Variants in SH3BP4 observed in about 807,000 individuals in gnomAD.
SH3BP4 encodes SH3 domain-binding protein 4.
Under a neutral mutation model 65.5 loss-of-function variants are expected in SH3BP4, and 33 were observed. The observed-to-expected ratio is 0.50, with a 90% CI of 0.38 to 0.67. The LOEUF (loss-of-function observed/expected upper bound fraction) is 0.67, where lower values mean the gene tolerates loss of function less well. Among genes scored for constraint, SH3BP4 ranks in the 30% least tolerant of loss-of-function variants. The pLI is 0.00. For missense variants in SH3BP4, 1,134 were observed against 1,261.4 expected (o/e 0.90, Z 1.53); for synonymous variants, 552 against 545.5 (o/e 1.01, Z -0.17).
rs184199204 is a variant in SH3BP4 at position 235,045,881 on chromosome 2, A to G, written c.2478+2634A>G. Among the ~76,000 whole-genome samples the G allele has an allele frequency of 1.5e-4, 23 of 152,250 alleles. No individual in the cohort carries two copies. The highest frequency in any genetic ancestry group is 5.5e-4 in the African/African-American group (23 of 41,546). On this transcript the variant is annotated intron_variant, in intron 4 of 5. Coordinates refer to ENST00000392011, the MANE Select transcript of SH3BP4 (RefSeq NM_014521.3). This position sits in a 1 kb window ranked among gnomAD's most constrained non-coding sequence, Gnocchi z 4.3. The stretch of plus-strand genomic sequence containing the variant: ...TGCCTTGGGTTGGAAACAGTGTTTA[A>G]ATGATGGGGAAAATGTGAGAGTTTG...
chr2:235,006,493 T>C (rs576247146), intron 2 of SH3BP4, among the ~76,000 whole-genome samples: 196 of 152,200 alleles, frequency 1.3e-3, no homozygotes, highest in Non-Finnish European at 2.4e-3. Context: ...AAGGTCCCGA[T>C]GGTGCTGGGC....
Position 235,034,857 on chromosome 2 carries a change from T to C in SH3BP4, c.-132-14T>C. On this transcript the variant is annotated splice_polypyrimidine_tract_variant and intron_variant, in intron 2 of 5. Coordinates refer to ENST00000392011, the MANE Select transcript of SH3BP4 (RefSeq NM_014521.3). The surrounding 1 kb of genome is among the most constrained non-coding windows in gnomAD (Gnocchi z 6.2). ...CTTGCTTAAGGGACTTTTTTGTTCC[T>C]CCTCTACTTTCAGGAAGAAACATAT... 1.6e-6 allele frequency: 1 copy of C among 642,840 alleles called. No individual in the cohort carries two copies. Among genetic ancestry groups the C allele is most frequent in the South Asian group, 1.9e-5 (1 of 52,086 alleles). The allele number at this position is 642,840 out of a possible 1,614,324, so 39.8% of individuals were successfully genotyped here. A position where few individuals can be genotyped will look rare whatever the true frequency, so the allele number is the denominator to read the frequency against.
chr2:234,953,809 A>G (rs1490988673), intron 1 of SH3BP4, among the ~76,000 whole-genome samples: 2 of 152,046 alleles, frequency 1.3e-5, no homozygotes, highest in Non-Finnish European at 2.9e-5. Context: ...CCTGAGGACA[A>G]TATTCCTGGT....
At chr2:235,014,721 C>T (rs561963999) in intron 2 of SH3BP4, among the ~76,000 whole-genome samples, 1 of 152,288 alleles carries the variant, frequency 6.6e-6, no homozygotes, top group East Asian at 1.9e-4. Flanking sequence ...TTGTTTGCAT[C>T]TCTCTGTGTC....
In SH3BP4 at chr2:234,991,507, C is replaced by T. The variant is rs1475584839; in HGVS notation, c.-206-3796C>T. Among the ~76,000 whole-genome samples, 1 of 152,234 alleles carries T rather than the reference C, an allele frequency of 6.6e-6. No homozygotes were observed. Among genetic ancestry groups the T allele is most frequent in the Non-Finnish European group, 1.5e-5 (1 of 68,052 alleles). On this transcript the variant is annotated intron_variant, in intron 1 of 5. Coordinates refer to ENST00000392011, the MANE Select transcript of SH3BP4 (RefSeq NM_014521.3). The surrounding 1 kb of genome is among the most constrained non-coding windows in gnomAD (Gnocchi z 4.2). ...CCCCAAATCATGGTTAATGACAACA[C>T]TGATGTTTCTTGAAACAACTGGAGA... is the stretch of plus-strand genomic sequence containing the variant.
intron 2 of SH3BP4, among the ~76,000 whole-genome samples, chr2:234,998,875 G>T (rs1243328751): frequency 1.3e-5 from 2 of 152,178 alleles, no homozygotes; most frequent in Non-Finnish European, 2.9e-5. Context: ...GCATGACCAG[G>T]TCTGCTTGGA....
At chr2:235,047,723 G>A (rs1044294559) in intron 4 of SH3BP4, among the ~76,000 whole-genome samples, 1 of 152,204 alleles carries the variant, frequency 6.6e-6, no homozygotes, top group Admixed American at 6.5e-5. Context: ...AGGGGCCAGA[G>A]TGAGCTGTCA....
At chr2:234,994,213 G>C (rs541145333) in intron 1 of SH3BP4, among the ~76,000 whole-genome samples, 1 of 152,272 alleles carries the variant, frequency 6.6e-6, no homozygotes, top group South Asian at 2.1e-4. Context: ...AGCCCTGAGA[G>C]GGGGGATCTG....
At chr2:234,985,973 C>T (rs1032347025) in intron 1 of SH3BP4, among the ~76,000 whole-genome samples, 3 of 148,376 alleles carry the variant, frequency 2.0e-5, no homozygotes, top group Non-Finnish European at 3.0e-5. Flanking sequence ...AGCGCAGAGA[C>T]CACAGTGCAG....
chr2:235,037,275 C>T (rs1695416429), intron 3 of SH3BP4, among the ~76,000 whole-genome samples: 1 of 152,098 alleles, frequency 6.6e-6, no homozygotes. Context: ...AAGCCCTTCC[C>T]CAGTGTCCCC....
chr2:235,032,204 C>T (rs1322088048), intron 2 of SH3BP4, among the ~76,000 whole-genome samples: 1 of 152,166 alleles, frequency 6.6e-6, no homozygotes, highest in African/African-American at 2.4e-5. Context: ...GTGGGAGCAC[C>T]CCAGTCCCTG....
rs1016745623 is a variant in SH3BP4, at chr2:235,034,900, C to A, written c.-103C>A. The A allele has an allele frequency of 1.1e-6, 1 of 941,826 alleles. No homozygotes were observed. Among genetic ancestry groups the A allele is most frequent in the Non-Finnish European group, 1.7e-6 (1 of 602,870 alleles). The allele number at this position is 941,826 out of a possible 1,614,324, so 58.3% of individuals were successfully genotyped here. A position where few individuals can be genotyped will look rare whatever the true frequency, so the allele number is the denominator to read the frequency against. On this transcript the variant is annotated 5_prime_UTR_variant, in exon 3 of 6. Coordinates refer to ENST00000392011, the MANE Select transcript of SH3BP4 (RefSeq NM_014521.3). This position sits in a 1 kb window ranked among gnomAD's most constrained non-coding sequence, Gnocchi z 6.2. The stretch of plus-strand genomic sequence containing the variant: ...AAACATATTGCCGAGTGGATGCCGC[C>A]GCGCAGCGTGTTTGCTTGAGGCAGA...
chr2:234,982,589 C>T (rs1687865895), intron 1 of SH3BP4, among the ~76,000 whole-genome samples: 1 of 152,116 alleles, frequency 6.6e-6, no homozygotes, highest in African/African-American at 2.4e-5. Flanking sequence ...GGTGGGCTAT[C>T]CCCGAGACCT....
intron 1 of SH3BP4, chr2:234,953,210 T>C (rs1692515798): frequency 6.6e-6 from 1 of 152,250 alleles, no homozygotes; most frequent in African/African-American, 2.4e-5. Flanking sequence ...ACAGAAACAA[T>C]GTATGCTCAG....
chr2:234,976,885 T>C lies in SH3BP4; in HGVS notation c.-206-18418T>C, dbSNP rs1693181978. 6.6e-6 allele frequency among the ~76,000 whole-genome samples: 1 copy of C among 152,176 alleles called. No homozygotes were observed. Among genetic ancestry groups the C allele is most frequent in the Non-Finnish European group, 1.5e-5 (1 of 68,040 alleles). On this transcript the variant is annotated intron_variant, in intron 1 of 5. Transcript: ENST00000392011. The surrounding 1 kb of genome is among the most constrained non-coding windows in gnomAD (Gnocchi z 4.7). ...TAAAGAGACACGACACCTAATGTCA[T>C]GTGGTGATCTGGATGGGATCCTGGA...
chr2:235,046,804 G>A lies in SH3BP4; in HGVS notation c.2478+3557G>A, dbSNP rs757701845. On this transcript the variant is annotated intron_variant, in intron 4 of 5. Transcript: ENST00000392011. This position sits in a 1 kb window ranked among gnomAD's most constrained non-coding sequence, Gnocchi z 4.2. ...CTTGGGCTGGGCTAAGAATCCAAGC[G>A]GGAGGCATTCTCACGTGGCCATACC... Among the ~76,000 whole-genome samples the A allele has an allele frequency of 3.9e-5, 6 of 152,260 alleles. No homozygotes were observed. Among genetic ancestry groups the A allele is most frequent in the South Asian group, 2.1e-4 (1 of 4,820 alleles).
At position 235,041,449 on chromosome 2, in the gene SH3BP4, A is replaced by G. The variant is rs1695639961; in HGVS notation, c.680A>G (p.His227Arg). Residue 227 changes from histidine to arginine, a missense_variant, in exon 4 of 6, where the codon CAC becomes CGC. Physicochemically the swap from His to Arg is conservative, Grantham distance 29. Coordinates refer to ENST00000392011, the MANE Select transcript of SH3BP4 (RefSeq NM_014521.3). This position sits in a 1 kb window ranked among gnomAD's most constrained non-coding sequence, Gnocchi z 6.0. ...GAGCTTCCAGTCACAAACGGACTCC[A>G]CGCAGAGCCGCCGGTCAGGCGGGAC... ...FDELPVTNGL[H>R]AEPPVRRDNP... is the part of the protein sequence containing the mutation. 6.2e-7 allele frequency: 1 copy of G among 1,614,154 alleles called. No individual in the cohort carries two copies. Among genetic ancestry groups the G allele is most frequent in the Non-Finnish European group, 8.5e-7 (1 of 1,180,034 alleles).
At chr2:235,050,207 C>T (rs1696004515) in intron 4 of SH3BP4, among the ~76,000 whole-genome samples, 1 of 152,116 alleles carries the variant, frequency 6.6e-6, no homozygotes, top group Admixed American at 6.6e-5. Flanking sequence ...GCTCCGCCTC[C>T]CGGGTTCACG....
Position 235,034,941 on chromosome 2 carries a change from T to C in SH3BP4, c.-62T>C. On this transcript the variant is annotated 5_prime_UTR_variant, in exon 3 of 6. Transcript: ENST00000392011. The surrounding 1 kb of genome is among the most constrained non-coding windows in gnomAD (Gnocchi z 6.2). ...TTGAGGCAGAAGCTTCAGCATCTGC[T>C]GGGATAACTGGAGGAAGAAATATGA... 1 of 1,416,760 alleles carries C rather than the reference T, an allele frequency of 7.1e-7. No individual in the cohort carries two copies. The highest frequency in any genetic ancestry group is 9.9e-7 in the Non-Finnish European group (1 of 1,005,974). The allele number at this position is 1,416,760 out of a possible 1,614,324, so 87.8% of individuals were successfully genotyped here.
Sources: allele counts gnomAD v4.1 joint callset (sites outside exome capture counted in the v4.1 genomes callset), GRCh38; gene constraint gnomAD v4.1.1; non-coding constraint Gnocchi (gnomAD v3.1); transcripts MANE v1.5; gene names NCBI Gene and HGNC (gene_info 2026-07-23, HGNC 2026-07-21).